RORA: variants seen among roughly 807,000 people sequenced by gnomAD.
RORA encodes the protein nuclear receptor ROR-alpha.
RORA carries 7 observed loss-of-function variants against 69.5 expected under a neutral mutation model. The ratio of observed to expected loss-of-function variants is 0.10; its 90% CI spans 0.06 to 0.19. The LOEUF (loss-of-function observed/expected upper bound fraction) is 0.19. Among genes scored for constraint, RORA ranks in the 10% least tolerant of loss-of-function variants. RORA has a pLI of 1.00. For synonymous variants in RORA, 261 were observed against 240.8 expected, an observed-to-expected ratio of 1.08 and a Z score of -0.78; for missense variants, 457 against 663.0, an observed-to-expected ratio of 0.69 and a Z score of 3.41.
chr15:60,614,849 A>G lies in RORA; in HGVS notation c.196+63808T>C, dbSNP rs774511796. On this transcript the variant is annotated intron_variant, in intron 2 of 10. Coordinates refer to ENST00000335670, the MANE Select transcript of RORA (RefSeq NM_134261.3). ...TGCAGACAGACACTGACATGCTTAC[A>G]TACATATAGCTGCCTGGAGCATAGT... 18 of 1,514,056 alleles carry G rather than the reference A, an allele frequency of 1.2e-5. No individual in the cohort carries two copies. In the East Asian group the frequency reaches 3.9e-4, roughly 33 times the overall value. 93.8% of individuals were successfully genotyped at this position (1,514,056 alleles called of 1,614,324 possible).
intron 1 of RORA, among the ~76,000 whole-genome samples, chr15:61,120,810 A>C (rs1331081881): frequency 6.6e-6 from 1 of 151,844 alleles, no homozygotes. Flanking sequence ...AAAAACAACT[A>C]AAATTTATTG....
At chr15:60,778,815 T>C (rs2072211287) in intron 1 of RORA, among the ~76,000 whole-genome samples, 1 of 152,160 alleles carries the variant, frequency 6.6e-6, no homozygotes, top group African/African-American at 2.4e-5. Flanking sequence ...TGTCTACTGG[T>C]TAAAGGGTAA....
At chr15:60,978,135 TCA>T (rs1893930462) in intron 1 of RORA, among the ~76,000 whole-genome samples, 1 of 10,174 alleles carries the variant, frequency 9.8e-5, no homozygotes, top group Non-Finnish European at 3.0e-4. Flanking sequence ...ATTTTCTTCA[TCA>T]TCATCATCAT....
At chr15:60,660,428 A>G (rs1395923007) in intron 2 of RORA, among the ~76,000 whole-genome samples, 1 of 152,216 alleles carries the variant, frequency 6.6e-6, no homozygotes, top group Non-Finnish European at 1.5e-5. Flanking sequence ...CCTCTGACAG[A>G]CTTTAGCAGC....
chr15:60,928,789 A>G (rs1892289276), intron 1 of RORA, among the ~76,000 whole-genome samples: 1 of 152,172 alleles, frequency 6.6e-6, no homozygotes, highest in African/African-American at 2.4e-5. Flanking sequence ...CTCTCCAGGC[A>G]AGTCTAAAGT....
intron 1 of RORA, among the ~76,000 whole-genome samples, chr15:60,799,949 T>A (rs935527440): frequency 6.6e-6 from 1 of 152,214 alleles, no homozygotes; most frequent in Non-Finnish European, 1.5e-5. Flanking sequence ...TAAGATCAAA[T>A]TAAAAAATTG....
intron 1 of RORA, among the ~76,000 whole-genome samples, chr15:61,050,231 C>G (rs1897231963): frequency 6.6e-6 from 1 of 152,198 alleles, no homozygotes; most frequent in Non-Finnish European, 1.5e-5. Flanking sequence ...CACACTGCAG[C>G]CGCAGCGATG....
At chr15:61,137,085 AAGAAAGAAAGAAAG>A (rs2079251606) in intron 1 of RORA, among the ~76,000 whole-genome samples, 2 of 150,184 alleles carry the variant, frequency 1.3e-5, no homozygotes, top group African/African-American at 5.0e-5. Context: ...GAAAGAAAGA[AAGAAAGAAAGAAAG>A]AAAAAAGCAA....
At chr15:60,997,704 C>G (rs1894603001) in intron 1 of RORA, among the ~76,000 whole-genome samples, 1 of 152,146 alleles carries the variant, frequency 6.6e-6, no homozygotes, top group South Asian at 2.1e-4. Flanking sequence ...TATGTTGCTG[C>G]TGTCCCATCT....
intron 2 of RORA, among the ~76,000 whole-genome samples, chr15:60,574,271 T>C (rs565305444): frequency 1.3e-5 from 2 of 152,354 alleles, no homozygotes; most frequent in Admixed American, 1.3e-4. Context: ...CTAATGTAAG[T>C]ATTAAATGTG....
At chr15:60,592,816 G>A (rs1201230804) in intron 2 of RORA, 3 of 574,130 alleles carry the variant, frequency 5.2e-6, no homozygotes, top group East Asian at 7.2e-5. Context: ...ACCTGTGGCC[G>A]CCGGTCGCTT....
intron 1 of RORA, among the ~76,000 whole-genome samples, chr15:60,831,967 T>A (rs1595750546): frequency 6.6e-6 from 1 of 152,314 alleles, no homozygotes; most frequent in East Asian, 1.9e-4. Context: ...AACCTGACCT[T>A]CTGGGACAGT....
intron 1 of RORA, among the ~76,000 whole-genome samples, chr15:61,040,738 G>A (rs181119809): frequency 1.3e-5 from 2 of 152,242 alleles, no homozygotes; most frequent in Admixed American, 1.3e-4. Flanking sequence ...AAGGATGGAT[G>A]GATGGATTAC....
At chr15:60,615,925 T>C (rs2069229333) in intron 2 of RORA, among the ~76,000 whole-genome samples, 1 of 152,206 alleles carries the variant, frequency 6.6e-6, no homozygotes, top group South Asian at 2.1e-4. Flanking sequence ...GCTCTTGACA[T>C]GTGAGCAACC....
At chr15:61,086,768 C>A (rs921019050) in intron 1 of RORA, among the ~76,000 whole-genome samples, 1 of 151,938 alleles carries the variant, frequency 6.6e-6, no homozygotes, top group Non-Finnish European at 1.5e-5. Flanking sequence ...AACTATGGCC[C>A]ACTGCCTATT....
intron 1 of RORA, among the ~76,000 whole-genome samples, chr15:61,169,900 T>C (rs1176366366): frequency 6.6e-6 from 1 of 152,132 alleles, no homozygotes; most frequent in African/African-American, 2.4e-5. Context: ...GTTGACCCTA[T>C]CAGGATGGTA....
chr15:61,082,791 C>T (rs1056705334), intron 1 of RORA, among the ~76,000 whole-genome samples: 1 of 152,076 alleles, frequency 6.6e-6, no homozygotes, highest in Non-Finnish European at 1.5e-5. Flanking sequence ...CTTTAGATTT[C>T]TTTTCTCTAG....
At chr15:61,191,169 C>T (rs1567030807) in intron 1 of RORA, among the ~76,000 whole-genome samples, 1 of 152,006 alleles carries the variant, frequency 6.6e-6, no homozygotes, top group African/African-American at 2.4e-5. Flanking sequence ...AAGCTCTGAA[C>T]CTCTGTTTCC....
chr15:60,497,710 A>T, intron 10 of RORA, 91 bp from the exon 11 acceptor site: 1 of 1,070,316 alleles, frequency 9.3e-7, no homozygotes, highest in Non-Finnish European at 1.4e-6. Flanking sequence ...GACATTGTTT[A>T]TAATGGTGAA....
Sources: allele counts gnomAD v4.1 joint callset (sites outside exome capture counted in the v4.1 genomes callset), GRCh38; gene constraint gnomAD v4.1.1; transcripts MANE v1.5; gene names NCBI Gene and HGNC (gene_info 2026-07-23, HGNC 2026-07-21).